Variants in CADM1 observed in about 807,000 individuals in gnomAD.
CADM1 encodes cell adhesion molecule 1, also known as TSLC-1.
CADM1 carries 15 observed loss-of-function variants against 53.1 expected under a neutral mutation model. That is an observed-to-expected ratio of 0.28 (90% CI 0.19 to 0.44). CADM1 has a LOEUF of 0.44. CADM1 is among the 20% of genes least tolerant of loss of function. The pLI is 1.00. For missense variants in CADM1, 434 were observed against 611.3 expected (o/e 0.71, Z 3.06); for synonymous variants, 281 against 243.0 (o/e 1.16, Z -1.45).
In CADM1 at chr11:115,435,383, A is replaced by G. The variant is rs554151811; in HGVS notation, c.124+68888T>C. Reference sequence around the variant, plus strand: ...ATGCTTGATCAAAATCAAAAGAATAATATTTCATGACACATAAAAATTATA... The same window carrying G: ...ATGCTTGATCAAAATCAAAAGAATAGTATTTCATGACACATAAAAATTATA... On this transcript the variant is annotated intron_variant, in intron 1 of 11. Coordinates refer to ENST00000331581, the MANE Select transcript of CADM1 (RefSeq NM_001301043.2). 1.9e-3 allele frequency among the ~76,000 whole-genome samples: 282 copies of G among 152,278 alleles called. 1 individual carries two copies. The highest frequency in any genetic ancestry group is 3.4e-3 in the Non-Finnish European group (230 of 68,020).
intron 5 of CADM1, among the ~76,000 whole-genome samples, chr11:115,222,698 G>A (rs1321341659): frequency 6.6e-6 from 1 of 152,154 alleles, no homozygotes; most frequent in Non-Finnish European, 1.5e-5. Context: ...TACCACAGTA[G>A]AATGCAGTCT....
chr11:115,328,444 G>T (rs1251931745), intron 1 of CADM1, among the ~76,000 whole-genome samples: 1 of 151,526 alleles, frequency 6.6e-6, no homozygotes, highest in Non-Finnish European at 1.5e-5. Context: ...AGCTAGTTAA[G>T]TTATACATGT....
At chr11:115,443,754 G>A (rs191667995) in intron 1 of CADM1, among the ~76,000 whole-genome samples, 3 of 152,310 alleles carry the variant, frequency 2.0e-5, no homozygotes, top group South Asian at 2.1e-4. Context: ...TGCTAAATTT[G>A]TGGATGCAAA....
At chr11:115,286,119 T>C (rs1943722443) in intron 1 of CADM1, among the ~76,000 whole-genome samples, 1 of 152,184 alleles carries the variant, frequency 6.6e-6, no homozygotes, top group African/African-American at 2.4e-5. Flanking sequence ...GTAGTTTAGA[T>C]ATGTGTAAAT....
At position 115,175,358 on chromosome 11, in the gene CADM1, CCTAA is replaced by C. The variant is rs1938976707; in HGVS notation, c.*1112_*1115del. ...CATGCAGGCCACATCCTACTGCCTTCCTAACTAAGCACAAAGGAAAAAAAAAAAA... is the reference window on the plus strand; with the variant it reads ...CATGCAGGCCACATCCTACTGCCTTCCTAAGCACAAAGGAAAAAAAAAAAA... On this transcript the variant is annotated 3_prime_UTR_variant, in exon 12 of 12. Coordinates refer to ENST00000331581, the MANE Select transcript of CADM1 (RefSeq NM_001301043.2). 6.2e-6 allele frequency: 6 copies of C among 964,570 alleles called. No individual in the cohort carries two copies. The highest frequency in any genetic ancestry group is 4.9e-5 in the South Asian group (1 of 20,594). The allele number at this position is 964,570 out of a possible 1,614,324, so 59.8% of individuals were successfully genotyped here. A position where few individuals can be genotyped will look rare whatever the true frequency, so the allele number is the denominator to read the frequency against.
chr11:115,271,202 G>T (rs969694301), intron 1 of CADM1, among the ~76,000 whole-genome samples: 2 of 152,112 alleles, frequency 1.3e-5, no homozygotes, highest in African/African-American at 4.8e-5. Flanking sequence ...GAAGTAAAGG[G>T]TCAAGTTCAT....
At chr11:115,446,334 C>A (rs1948450534) in intron 1 of CADM1, among the ~76,000 whole-genome samples, 1 of 151,772 alleles carries the variant, frequency 6.6e-6, no homozygotes, top group African/African-American at 2.4e-5. Context: ...AAGATTCCAA[C>A]CCTTTTGGGT....
chr11:115,319,344 A>G (rs1282935382), intron 1 of CADM1, among the ~76,000 whole-genome samples: 1 of 152,152 alleles, frequency 6.6e-6, no homozygotes, highest in African/African-American at 2.4e-5. Flanking sequence ...GGACCATGAG[A>G]TGACCATCAG....
intron 10 of CADM1, among the ~76,000 whole-genome samples, chr11:115,182,856 G>A (rs879465946): frequency 3.9e-5 from 6 of 152,164 alleles, no homozygotes; most frequent in Admixed American, 3.9e-4. Flanking sequence ...TTTAGTATTC[G>A]TGAGTTAGCT....
intron 2 of CADM1, 149 bp from the exon 3 acceptor site, chr11:115,238,801 G>A: frequency 3.8e-6 from 3 of 780,294 alleles, no homozygotes; most frequent in Non-Finnish European, 6.5e-6. Flanking sequence ...AAATAACCTT[G>A]TCCAAAGGAA....
chr11:115,403,414 A>G (rs539730234), intron 1 of CADM1, among the ~76,000 whole-genome samples: 1 of 152,344 alleles, frequency 6.6e-6, no homozygotes, highest in Non-Finnish European at 1.5e-5. Flanking sequence ...AAATTTGAAT[A>G]AAGTCTGGAG....
chr11:115,184,969 A>G (rs1939477102), intron 10 of CADM1, among the ~76,000 whole-genome samples: 1 of 152,218 alleles, frequency 6.6e-6, no homozygotes, highest in Non-Finnish European at 1.5e-5. Context: ...CATTGGAAAG[A>G]GCACTGGACT....
At chr11:115,255,912 A>G (rs941903613) in intron 1 of CADM1, among the ~76,000 whole-genome samples, 4 of 152,220 alleles carry the variant, frequency 2.6e-5, no homozygotes, top group African/African-American at 9.6e-5. Flanking sequence ...ACTGTAACCA[A>G]TGCAAATAGA....
At chr11:115,224,130 C>T (rs546975160) in intron 5 of CADM1, among the ~76,000 whole-genome samples, 1 of 152,016 alleles carries the variant, frequency 6.6e-6, no homozygotes, top group Non-Finnish European at 1.5e-5. Context: ...GTGTTATCCT[C>T]CACTCCAAAT....
chr11:115,386,588 C>T (rs577424689), intron 1 of CADM1, among the ~76,000 whole-genome samples: 23 of 152,246 alleles, frequency 1.5e-4, no homozygotes, highest in Admixed American at 6.5e-5. Flanking sequence ...GGGCTGAGTC[C>T]GCTAGCTCAG....
At chr11:115,462,851 AG>A (rs1948825362) in intron 1 of CADM1, among the ~76,000 whole-genome samples, 1 of 152,166 alleles carries the variant, frequency 6.6e-6, no homozygotes, top group Non-Finnish European at 1.5e-5. Flanking sequence ...CTCTTTTAAA[AG>A]GTCCACACAT....
chr11:115,496,113 T>A (rs1017775295), intron 1 of CADM1, among the ~76,000 whole-genome samples: 3 of 152,258 alleles, frequency 2.0e-5, no homozygotes, highest in African/African-American at 7.2e-5. Context: ...TACATTTTCA[T>A]GAATGTATTG....
rs540876528 is a variant in CADM1, at chr11:115,329,827, T to C, written c.125-89407A>G. Among the ~76,000 whole-genome samples the C allele has an allele frequency of 4.0e-5, 6 of 151,710 alleles. No individual in the cohort carries two copies. In the East Asian group the frequency reaches 5.9e-4, roughly 15 times the overall value. On this transcript the variant is annotated intron_variant, in intron 1 of 11. Coordinates refer to ENST00000331581, the MANE Select transcript of CADM1 (RefSeq NM_001301043.2). ...GATGGATAGGGAGCCGGAAAGGAGA[T>C]GGAGCGGGAAGATGATCTTCCTCTG...
At chr11:115,257,062 A>G (rs1165211294) in intron 1 of CADM1, among the ~76,000 whole-genome samples, 1 of 152,218 alleles carries the variant, frequency 6.6e-6, no homozygotes, top group Admixed American at 6.5e-5. Context: ...TCTGCAGAAC[A>G]AGCACCAACA....
Sources: allele counts gnomAD v4.1 joint callset (sites outside exome capture counted in the v4.1 genomes callset), GRCh38; gene constraint gnomAD v4.1.1; transcripts MANE v1.5; gene names NCBI Gene and HGNC (gene_info 2026-07-23, HGNC 2026-07-21).